Variants in ASGR2 observed in about 807,000 individuals in gnomAD.
ASGR2 encodes asialoglycoprotein receptor 2.
Under a neutral mutation model 32.3 loss-of-function variants are expected in ASGR2, and 34 were observed. The ratio of observed to expected loss-of-function variants is 1.05; its 90% CI spans 0.80 to 1.40. ASGR2 has a LOEUF of 1.40. Ranked by LOEUF, ASGR2 falls within the 40% of genes most tolerant of loss-of-function variation. ASGR2 has a pLI of 0.00. For missense variants in ASGR2, 385 were observed against 386.4 expected (o/e 1.00, Z 0.03); for synonymous variants, 143 against 150.0 (o/e 0.95, Z 0.34).
chr17:7,105,871 C>T (rs979261593), intron 7 of ASGR2, among the ~76,000 whole-genome samples: 2 of 151,712 alleles, frequency 1.3e-5, no homozygotes, highest in Non-Finnish European at 2.9e-5. Flanking sequence ...TCACCACAAC[C>T]TCTGCCTCCC....
chr17:7,107,042 C>T lies in ASGR2; in HGVS notation c.606G>A (p.Leu202=). The change falls in exon 7 of 9, where the codon CTG becomes CTA. Residue 202 remains leucine, a synonymous_variant. Coordinates refer to ENST00000691900, the MANE Select transcript of ASGR2 (RefSeq NM_001201352.2). The surrounding 1 kb of genome is among the most constrained non-coding windows in gnomAD (Gnocchi z 5.0). ...TGATGACCACCAGGTGTGCGTTCTC[C>T]AGCTGGCAGTACTTCTCCGCCTCAG... ...AWAEAEKYCQ[L]ENAHLVVINS... 1 of 1,614,202 alleles carries T rather than the reference C, an allele frequency of 6.2e-7. No homozygotes were observed. Among genetic ancestry groups the T allele is most frequent in the Non-Finnish European group, 8.5e-7 (1 of 1,180,042 alleles).
intron 2 of ASGR2, among the ~76,000 whole-genome samples, chr17:7,112,049 GAGGGGAAGC>G (rs1914736294): frequency 2.3e-4 from 1 of 4,432 alleles, no homozygotes; most frequent in Non-Finnish European, 5.5e-4. Flanking sequence ...AGAGAGAGGG[GAGGGGAAGC>G]GAGGGAAGGA....
rs770982315 is a variant in ASGR2, at chr17:7,114,270, A to AGCTGG, written c.-35_-31dup. On this transcript the variant is annotated 5_prime_UTR_variant, in exon 2 of 9. Transcript: ENST00000691900. This position sits in a 1 kb window ranked among gnomAD's most constrained non-coding sequence, Gnocchi z 4.5. ...GGGCCCGGGCTGGAGCTGGAGCTGG[A>AGCTGG]GCTGGGCTGGGCTGGGCTGAGGTTG... The AGCTGG allele has an allele frequency of 4.4e-5, 68 of 1,557,740 alleles. No individual in the cohort carries two copies. Among genetic ancestry groups the AGCTGG allele is most frequent in the South Asian group, 3.4e-4 (31 of 90,396 alleles).
chr17:7,111,612 C>T (rs4511588), intron 2 of ASGR2, among the ~76,000 whole-genome samples: 21,060 of 149,338 alleles, frequency 0.14, 1,780 homozygotes, highest in African/African-American at 0.22. Context: ...GCCAAGATCG[C>T]GCCACTGCAC....
At chr17:7,105,960 T>C (rs1243539861) in intron 7 of ASGR2, among the ~76,000 whole-genome samples, 1 of 152,010 alleles carries the variant, frequency 6.6e-6, no homozygotes, top group African/African-American at 2.4e-5. Flanking sequence ...GGCTAATTTT[T>C]GTATGTTTAG....
chr17:7,113,698 CACA>C lies in ASGR2; in HGVS notation c.124+416_124+418del, dbSNP rs926950358. Among the ~76,000 whole-genome samples, 1 of 148,820 alleles carries C rather than the reference CACA, an allele frequency of 6.7e-6. No individual in the cohort carries two copies. The highest frequency in any genetic ancestry group is 2.5e-5 in the African/African-American group (1 of 40,186). On this transcript the variant is annotated intron_variant, in intron 2 of 8. Transcript: ENST00000691900. The surrounding 1 kb of genome is among the most constrained non-coding windows in gnomAD (Gnocchi z 5.1). ...AACATATACTCACACAACATACACA[CACA>C]ACACACTCTCACACACAACATACCC...
At chr17:7,102,891 C>T (rs932154705) in intron 7 of ASGR2, among the ~76,000 whole-genome samples, 9 of 152,162 alleles carry the variant, frequency 5.9e-5, no homozygotes, top group African/African-American at 1.9e-4. Flanking sequence ...GGAAGCAGCC[C>T]GGACAGCCAG....
At chr17:7,112,123 C>G (rs1412344213) in intron 2 of ASGR2, among the ~76,000 whole-genome samples, 2 of 90,910 alleles carry the variant, frequency 2.2e-5, no homozygotes, top group Non-Finnish European at 4.6e-5. Context: ...ACTTAATGAA[C>G]AGCAATAACT....
At position 7,107,988 on chromosome 17, in the gene ASGR2, GTCCTGGGCGATGCAGGCGTCCACC is replaced by G; in HGVS notation, c.338-105_338-82del. On this transcript the variant is annotated intron_variant, in intron 4 of 8. Transcript: ENST00000691900. The surrounding 1 kb of genome is among the most constrained non-coding windows in gnomAD (Gnocchi z 5.0). ...CTGGGGGACCGGGGGCCAGCGCCTC[GTCCTGGGCGATGCAGGCGTCCACC>G]TCCTGGCTTCCTGGACCACACCCAG... The G allele has an allele frequency of 6.5e-7, 1 of 1,530,992 alleles. No homozygotes were observed. The highest frequency in any genetic ancestry group is 8.9e-7 in the Non-Finnish European group (1 of 1,124,124). The allele number at this position is 1,530,992 out of a possible 1,614,324, so 94.8% of individuals were successfully genotyped here. A position where few individuals can be genotyped will look rare whatever the true frequency, so the allele number is the denominator to read the frequency against.
rs1378893534 is a variant in ASGR2, at chr17:7,108,193, G to A, written c.337+269C>T. ...CTCTCTGGCCACCCCTTACCTGCCT[G>A]CCCCTCCGATGGGCCTGCCACACTC... On this transcript the variant is annotated intron_variant, in intron 4 of 8. Coordinates refer to ENST00000691900, the MANE Select transcript of ASGR2 (RefSeq NM_001201352.2). This position sits in a 1 kb window ranked among gnomAD's most constrained non-coding sequence, Gnocchi z 4.9. 1.3e-5 allele frequency among the ~76,000 whole-genome samples: 2 copies of A among 152,056 alleles called. No homozygotes were observed. The highest frequency in any genetic ancestry group is 2.9e-5 in the Non-Finnish European group (2 of 68,010).
rs369819996 is a variant in ASGR2 at position 7,107,659 on chromosome 17, C to G, written c.409+177G>C. 1.4e-3 allele frequency: 1,109 copies of G among 820,756 alleles called. 8 individuals carry two copies. The African/African-American group carries it at 0.016, about 12-fold the overall frequency. The allele number at this position is 820,756 out of a possible 1,614,324, so 50.8% of individuals were successfully genotyped here. A position where few individuals can be genotyped will look rare whatever the true frequency, so the allele number is the denominator to read the frequency against. Reference sequence around the variant, plus strand: ...TATACACCACACTACACACCACACACAGATCCATGACATATCACACCACAC... The same window carrying G: ...TATACACCACACTACACACCACACAGAGATCCATGACATATCACACCACAC... On this transcript the variant is annotated intron_variant, in intron 5 of 8. Transcript: ENST00000691900. The surrounding 1 kb of genome is among the most constrained non-coding windows in gnomAD (Gnocchi z 5.0).
In ASGR2 at chr17:7,107,099, G is replaced by A. The variant is rs757595411; in HGVS notation, c.549C>T (p.Cys183=). ...PVNWVEHQGS[C]YWFSHSGKAW... ...CCTTCCCGGAGTGAGAGAACCAGTA[G>A]CAGCTGCCTTGGTGCTCCACCCAGT... Residue 183 remains cysteine, a synonymous_variant, in exon 7 of 9, where the codon TGC becomes TGT. Transcript: ENST00000691900. This position sits in a 1 kb window ranked among gnomAD's most constrained non-coding sequence, Gnocchi z 5.0. 6.2e-7 allele frequency: 1 copy of A among 1,614,146 alleles called. No homozygotes were observed. The highest frequency in any genetic ancestry group is 8.5e-7 in the Non-Finnish European group (1 of 1,180,026).
chr17:7,111,651 G>A (rs1189498872), intron 2 of ASGR2, among the ~76,000 whole-genome samples: 10 of 139,070 alleles, frequency 7.2e-5, no homozygotes, highest in Admixed American at 2.2e-4. Context: ...GCGAGACTCC[G>A]CCTCCAAAAA....
chr17:7,108,789 C>A lies in ASGR2; in HGVS notation c.224G>T (p.Cys75Phe), dbSNP rs1289682467. 6.2e-7 allele frequency: 1 copy of A among 1,614,000 alleles called. No individual in the cohort carries two copies. Among genetic ancestry groups the A allele is most frequent in the East Asian group, 2.2e-5 (1 of 44,882 alleles). Residue 75 changes from cysteine (C) to phenylalanine (F), a missense_variant, in exon 3 of 9, where the codon TGT (cysteine) becomes TTT (phenylalanine). Coordinates refer to ENST00000691900, the MANE Select transcript of ASGR2 (RefSeq NM_001201352.2). The surrounding 1 kb of genome is among the most constrained non-coding windows in gnomAD (Gnocchi z 4.9). ...ACCCTCACTTTGGGACCCAGTCACA[C>A]AGATGACCACCAGCAGCAGGATGTT... The part of the protein sequence containing the change: ...SFNILLLVVI[C>F]VTGSQSAQLQ...
intron 8 of ASGR2, 74 bp downstream of exon 8, chr17:7,102,016 G>A (rs941365586): frequency 1.7e-4 from 249 of 1,447,296 alleles, no homozygotes; most frequent in Non-Finnish European, 1.8e-4. Context: ...ACGAGTCAGG[G>A]TAGCTTGGAG....
chr17:7,107,613 C>T lies in ASGR2; in HGVS notation c.409+223G>A. On this transcript the variant is annotated intron_variant, in intron 5 of 8. Coordinates refer to ENST00000691900, the MANE Select transcript of ASGR2 (RefSeq NM_001201352.2). The surrounding 1 kb of genome is among the most constrained non-coding windows in gnomAD (Gnocchi z 5.0). ...CATCTCACACACACCACCACACATG[C>T]ATACACACACAACACACACATATAC... 1 of 667,336 alleles carries T rather than the reference C, an allele frequency of 1.5e-6. No individual in the cohort carries two copies. Among genetic ancestry groups the T allele is most frequent in the Non-Finnish European group, 2.6e-6 (1 of 380,724 alleles). 41.3% of individuals were successfully genotyped at this position (667,336 alleles called of 1,614,324 possible).
intron 8 of ASGR2, among the ~76,000 whole-genome samples, 156 bp downstream of exon 8, chr17:7,101,934 G>T (rs1252036599): frequency 6.6e-6 from 1 of 152,170 alleles, no homozygotes; most frequent in Non-Finnish European, 1.5e-5. Flanking sequence ...CTCACCCCCA[G>T]CCCAGAAGAG....
chr17:7,109,742 GCA>G (rs1280901440), intron 2 of ASGR2, among the ~76,000 whole-genome samples: 3 of 151,774 alleles, frequency 2.0e-5, no homozygotes, highest in Non-Finnish European at 4.4e-5. Flanking sequence ...ACACACATTT[GCA>G]CACACTCATG....
rs1915258690 is a variant in ASGR2 at position 7,114,715 on chromosome 17, CAG to C, written c.-173_-172del. 9.9e-7 allele frequency: 1 copy of C among 1,013,844 alleles called. No individual in the cohort carries two copies. The highest frequency in any genetic ancestry group is 4.0e-5 in the South Asian group (1 of 24,770). The allele number at this position is 1,013,844 out of a possible 1,614,324, so 62.8% of individuals were successfully genotyped here. On this transcript the variant is annotated 5_prime_UTR_variant, in exon 1 of 9. Coordinates refer to ENST00000691900, the MANE Select transcript of ASGR2 (RefSeq NM_001201352.2). The surrounding 1 kb of genome is among the most constrained non-coding windows in gnomAD (Gnocchi z 4.5). ...GGAGAACTGGGGCAGGTGGAGCTCACAGGGGAGAGGAGAGTGGAGGAGGGGCT... is the reference window on the plus strand; with the variant it reads ...GGAGAACTGGGGCAGGTGGAGCTCACGGGAGAGGAGAGTGGAGGAGGGGCT...
Sources: allele counts gnomAD v4.1 joint callset (sites outside exome capture counted in the v4.1 genomes callset), GRCh38; gene constraint gnomAD v4.1.1; non-coding constraint Gnocchi (gnomAD v3.1); transcripts MANE v1.5; gene names NCBI Gene and HGNC (gene_info 2026-07-23, HGNC 2026-07-21).